Variants in FBLN5 observed in about 807,000 individuals in gnomAD.
The protein encoded by FBLN5 is fibulin-5.
In FBLN5, 24 loss-of-function variants were observed where a neutral mutation model predicts 61.6. That is an observed-to-expected ratio of 0.39 (90% confidence interval 0.28 to 0.55). The LOEUF (loss-of-function observed/expected upper bound fraction) is 0.55, where lower values mean the gene tolerates loss of function less well. FBLN5 is among the 20% of genes least tolerant of loss of function. The probability of loss-of-function intolerance (pLI) is 0.65; values close to 1 mark genes in which losing one functional copy is unlikely to be tolerated. For synonymous variants in FBLN5, 213 were observed against 219.8 expected, an observed-to-expected ratio of 0.97 and a Z score of 0.27; for missense variants, 470 against 594.1, an observed-to-expected ratio of 0.79 and a Z score of 2.17.
intron 4 of FBLN5, among the ~76,000 whole-genome samples, chr14:91,933,373 CA>C (rs1489637610): frequency 6.6e-6 from 1 of 152,098 alleles, no homozygotes; most frequent in African/African-American, 2.4e-5. Flanking sequence ...CTCCTGGGTT[CA>C]AGCAATTCTC....
At chr14:91,916,124 A>T (rs1254965838) in intron 4 of FBLN5, among the ~76,000 whole-genome samples, 3 of 152,182 alleles carry the variant, frequency 2.0e-5, no homozygotes, top group African/African-American at 7.2e-5. Context: ...TGTTGTTCCT[A>T]AGGGCAGGAT....
At chr14:91,920,382 G>A (rs1010249563) in intron 4 of FBLN5, among the ~76,000 whole-genome samples, 4 of 152,146 alleles carry the variant, frequency 2.6e-5, no homozygotes, top group South Asian at 2.1e-4. Context: ...CCAGTGTCTC[G>A]AAATGAATGA....
intron 4 of FBLN5, among the ~76,000 whole-genome samples, chr14:91,933,343 C>T (rs2055959351): frequency 1.3e-5 from 2 of 152,004 alleles, no homozygotes; most frequent in South Asian, 2.1e-4. Flanking sequence ...GGCACGAGCT[C>T]GGCTCACTGC....
At chr14:91,919,432 A>AGGAAGGAAGGAT (rs1178918299) in intron 4 of FBLN5, among the ~76,000 whole-genome samples, 104 of 150,318 alleles carry the variant, frequency 6.9e-4, no homozygotes, top group African/African-American at 2.1e-3. Context: ...GAAGGAAGGA[A>AGGAAGGAAGGAT]GGATTACCAG....
At chr14:91,924,650 A>G (rs1218610152) in intron 4 of FBLN5, among the ~76,000 whole-genome samples, 1 of 152,158 alleles carries the variant, frequency 6.6e-6, no homozygotes, top group Non-Finnish European at 1.5e-5. Context: ...CCACTGCACA[A>G]GAGAAAAAGA....
chr14:91,931,131 G>A (rs2140038827), intron 4 of FBLN5, among the ~76,000 whole-genome samples: 1 of 152,294 alleles, frequency 6.6e-6, no homozygotes, highest in South Asian at 2.1e-4. Context: ...GTCCTCACAG[G>A]TAGGAAGTGG....
intron 4 of FBLN5, among the ~76,000 whole-genome samples, chr14:91,899,486 C>G (rs1890369704): frequency 6.6e-6 from 1 of 152,258 alleles, no homozygotes; most frequent in Non-Finnish European, 1.5e-5. Flanking sequence ...CTGCATCAAG[C>G]AGCACAGCTC....
At chr14:91,874,554 G>A (rs1889082279) in intron 10 of FBLN5, 1 of 152,120 alleles carries the variant, frequency 6.6e-6, no homozygotes, top group Non-Finnish European at 1.5e-5. Flanking sequence ...AGACTAGTCG[G>A]GCAGGTTGCT....
At chr14:91,946,518 GCA>G (rs34059355) in intron 1 of FBLN5, among the ~76,000 whole-genome samples, 87,372 of 149,316 alleles carry the variant, frequency 0.59, 27,752 homozygotes, top group African/African-American at 0.86. Flanking sequence ...TTAGTTTTCA[GCA>G]CACACACACA....
At chr14:91,908,956 C>T (rs72705351) in intron 4 of FBLN5, among the ~76,000 whole-genome samples, 38,623 of 151,536 alleles carry the variant, frequency 0.25, 5,164 homozygotes, top group Middle Eastern at 0.42. Context: ...TCTCACTCGT[C>T]GCTCAGGCTG....
intron 4 of FBLN5, 102 bp downstream of exon 4, chr14:91,936,845 C>T: frequency 7.7e-7 from 1 of 1,303,010 alleles, no homozygotes; most frequent in Admixed American, 1.7e-5. Flanking sequence ...TTCACTGGTG[C>T]ATTGAATGGC....
At chr14:91,916,212 G>A (rs1025460359) in intron 4 of FBLN5, among the ~76,000 whole-genome samples, 3 of 152,126 alleles carry the variant, frequency 2.0e-5, no homozygotes, top group Admixed American at 6.5e-5. Flanking sequence ...TTGGGAGGCC[G>A]AGGTAGGTGG....
intron 4 of FBLN5, among the ~76,000 whole-genome samples, chr14:91,930,059 C>T (rs2055897457): frequency 1.3e-5 from 2 of 152,072 alleles, no homozygotes; most frequent in East Asian, 3.9e-4. Context: ...AATCTAATTC[C>T]CAGAAGAAAG....
intron 6 of FBLN5, among the ~76,000 whole-genome samples, chr14:91,889,088 C>T (rs1889864764): frequency 1.3e-5 from 2 of 152,204 alleles, no homozygotes; most frequent in Admixed American, 6.5e-5. Flanking sequence ...AGGGAGAAAA[C>T]AAATAAATGA....
intron 4 of FBLN5, 21 bp downstream of exon 4, chr14:91,936,926 A>C (rs1566828424): frequency 6.2e-7 from 1 of 1,614,132 alleles, no homozygotes; most frequent in East Asian, 2.2e-5. Context: ...GCGGAGAGGA[A>C]CAAAAGGCCG....
At chr14:91,921,225 A>C (rs1301869480) in intron 4 of FBLN5, among the ~76,000 whole-genome samples, 1 of 152,218 alleles carries the variant, frequency 6.6e-6, no homozygotes, top group Non-Finnish European at 1.5e-5. Context: ...AAAGGTAGTA[A>C]AGCAGAGAAG....
At chr14:91,946,803 T>C in intron 1 of FBLN5, 2 of 1,535,080 alleles carry the variant, frequency 1.3e-6, no homozygotes, top group South Asian at 1.2e-5. Context: ...CCCGCGGTGT[T>C]CAGCTAGCCT....
At position 91,937,102 on chromosome 14, in the gene FBLN5, A is replaced by G. The variant is rs145108467; in HGVS notation, c.224T>C (p.Val75Ala). 1.2e-4 allele frequency: 187 copies of G among 1,614,074 alleles called. 2 individuals are homozygous for G. In the Middle Eastern group the frequency reaches 3.6e-3, roughly 31 times the overall value. ...GGGGTTCGAGTAGGGCCCTCGATACACAGGGTTTGTCCGGGGAATGCATAA... is the reference window on the plus strand; with the variant it reads ...GGGGTTCGAGTAGGGCCCTCGATACGCAGGGTTTGTCCGGGGAATGCATAA... ...GYLCIPRTNPVYRGPYSNPYS... is the reference protein window; with the variant it reads ...GYLCIPRTNPAYRGPYSNPYS... The change falls in exon 4 of 11, where the codon GTG (valine) becomes GCG (alanine). Residue 75 changes from valine (V) to alanine (A), a missense_variant. By Grantham distance (64) the Val-to-Ala change is moderately conservative. Transcript: ENST00000342058.
intron 3 of FBLN5, among the ~76,000 whole-genome samples, chr14:91,938,631 C>T (rs111679824): frequency 2.0e-5 from 3 of 152,232 alleles, no homozygotes; most frequent in African/African-American, 7.2e-5. Flanking sequence ...GGTGGACTCT[C>T]TAGAAAATCA....
Sources: gnomAD v4.1 joint callset for allele counts (sites outside exome capture counted in the v4.1 genomes callset) on GRCh38, gnomAD v4.1.1 for gene constraint, MANE v1.5 for transcripts, NCBI Gene and HGNC (gene_info 2026-07-23, HGNC 2026-07-21) for gene names.